The following CYP20A1 variants were observed in gnomAD, a reference collection of about 807,000 sequenced individuals.
CYP20A1 encodes cytochrome P450 20A1.
Under a neutral mutation model 61.4 loss-of-function variants are expected in CYP20A1, and 61 were observed. That is an observed-to-expected ratio of 0.99 (90% CI 0.81 to 1.23). The LOEUF (loss-of-function observed/expected upper bound fraction) is 1.23, where lower values mean the gene tolerates loss of function less well. CYP20A1 is among the 50% of genes most tolerant of loss of function. The pLI is 0.00. For synonymous variants in CYP20A1, 193 were observed against 188.2 expected (o/e 1.03, Z -0.21); for missense variants, 530 against 542.4 (o/e 0.98, Z 0.23).
At position 203,296,514 on chromosome 2, in the gene CYP20A1, A is replaced by G. The variant is rs759301173; in HGVS notation, c.1189A>G (p.Thr397Ala). The G allele has an allele frequency of 6.2e-7, 1 of 1,612,928 alleles. No individual in the cohort carries two copies. Among genetic ancestry groups the G allele is most frequent in the South Asian group, 1.1e-5 (1 of 90,850 alleles). ...GTTTGATGATGAATTAGTAATGAAA[A>G]CTTTTTCCTCACTTGGATTCTCAGG... ...DRFDDELVMK[T>A]FSSLGFSGTQ... The change falls in exon 12 of 13, where the codon ACT (threonine) becomes GCT (alanine). Residue 397 changes from threonine (T) to alanine (A), a missense_variant. By Grantham distance (58) the Thr-to-Ala change is moderately conservative. Coordinates refer to ENST00000356079, the MANE Select transcript of CYP20A1 (RefSeq NM_177538.3).
rs1340776293 is a variant in CYP20A1, at chr2:203,301,983, T to C, written c.*5075T>C. Among the ~76,000 whole-genome samples the C allele has an allele frequency of 7.0e-6, 1 of 143,248 alleles. No homozygotes were observed. Among genetic ancestry groups the C allele is most frequent in the Non-Finnish European group, 1.5e-5 (1 of 66,398 alleles). 94.0% of individuals were successfully genotyped at this position (143,248 alleles called of 152,430 possible). On this transcript the variant is annotated 3_prime_UTR_variant, in exon 13 of 13. Coordinates refer to ENST00000356079, the MANE Select transcript of CYP20A1 (RefSeq NM_177538.3). ...GTCTATTGCCCAGGCTGGAGTGCCA[T>C]GGCACCATCTCGGCTCACTGCAACC...
rs933021204 is a variant in CYP20A1, at chr2:203,303,057, G to C, written c.*6149G>C. 1.3e-5 allele frequency among the ~76,000 whole-genome samples: 2 copies of C among 151,616 alleles called. No individual in the cohort carries two copies. The highest frequency in any genetic ancestry group is 2.9e-5 in the Non-Finnish European group (2 of 67,922). Reference sequence around the variant, plus strand: ...GCTGTGTCACCCAGGCTGGAGTGTGGTGGCACGATCTTGGCTCACTGCAAC... The same window carrying C: ...GCTGTGTCACCCAGGCTGGAGTGTGCTGGCACGATCTTGGCTCACTGCAAC... On this transcript the variant is annotated 3_prime_UTR_variant, in exon 13 of 13. Transcript: ENST00000356079.
chr2:203,254,829 A>T (rs1208392100), intron 4 of CYP20A1, among the ~76,000 whole-genome samples: 1 of 151,994 alleles, frequency 6.6e-6, no homozygotes, highest in Non-Finnish European at 1.5e-5. Flanking sequence ...TCTCTACTAA[A>T]AATACAGAAA....
chr2:203,284,349 T>G (rs1575253649), intron 8 of CYP20A1, among the ~76,000 whole-genome samples: 1 of 152,194 alleles, frequency 6.6e-6, no homozygotes, highest in Non-Finnish European at 1.5e-5. Flanking sequence ...AAACATATTC[T>G]AGGGAAAGAG....
At chr2:203,284,456 C>T (rs916647140) in intron 8 of CYP20A1, among the ~76,000 whole-genome samples, 12 of 151,960 alleles carry the variant, frequency 7.9e-5, no homozygotes, top group African/African-American at 2.9e-4. Context: ...CTGTTTTTTT[C>T]TCAACATGTA....
chr2:203,271,204 C>T (rs1173056128), intron 5 of CYP20A1, among the ~76,000 whole-genome samples: 1 of 148,434 alleles, frequency 6.7e-6, no homozygotes, highest in East Asian at 2.0e-4. Context: ...TCTTCTGCCT[C>T]AGCCTCCCAA....
intron 4 of CYP20A1, among the ~76,000 whole-genome samples, chr2:203,254,288 T>G (rs1276267862): frequency 1.3e-5 from 2 of 152,070 alleles, no homozygotes; most frequent in African/African-American, 4.8e-5. Context: ...TTACTTAGAG[T>G]GAATGAATGC....
At chr2:203,266,463 A>C in intron 4 of CYP20A1, 51 bp from the exon 5 acceptor site, 1 of 1,518,874 alleles carries the variant, frequency 6.6e-7, no homozygotes, top group Non-Finnish European at 9.1e-7. Context: ...ACATTTTCTG[A>C]GATTTAGAAA....
intron 9 of CYP20A1, among the ~76,000 whole-genome samples, chr2:203,289,344 T>C (rs2068434648): frequency 6.6e-6 from 1 of 152,186 alleles, no homozygotes; most frequent in Non-Finnish European, 1.5e-5. Context: ...ATATTTTTCC[T>C]AGTTATCTTT....
Position 203,298,543 on chromosome 2 carries a change from A to AT in CYP20A1, c.*1635_*1636insT, listed in dbSNP as rs2068899132. Among the ~76,000 whole-genome samples the AT allele has an allele frequency of 6.7e-6, 1 of 149,738 alleles. No individual in the cohort carries two copies. The highest frequency in any genetic ancestry group is 2.5e-5 in the African/African-American group (1 of 40,742). ...TCTCTACTAAAAATACAAAAAAAAA[A>AT]AAAAAAAATTAGCCAGATGTGGTGG... On this transcript the variant is annotated 3_prime_UTR_variant, in exon 13 of 13. Coordinates refer to ENST00000356079, the MANE Select transcript of CYP20A1 (RefSeq NM_177538.3).
At chr2:203,263,136 C>T in intron 4 of CYP20A1, among the ~76,000 whole-genome samples, 1 of 151,602 alleles carries the variant, frequency 6.6e-6, no homozygotes, top group Non-Finnish European at 1.5e-5. Flanking sequence ...TTACAGGCTC[C>T]TGCCACTATG....
chr2:203,278,736 C>G (rs2067924600), intron 7 of CYP20A1, 48 bp downstream of exon 7: 1 of 1,011,804 alleles, frequency 9.9e-7, no homozygotes, highest in Non-Finnish European at 1.5e-6. Flanking sequence ...AAGCCAGAGC[C>G]AGGCACAATG....
intron 4 of CYP20A1, among the ~76,000 whole-genome samples, chr2:203,259,118 T>C (rs1288799360): frequency 6.6e-6 from 1 of 152,212 alleles, no homozygotes; most frequent in Non-Finnish European, 1.5e-5. Context: ...GTCTTTTCTG[T>C]TGTTCCATAT....
Position 203,296,474 on chromosome 2 carries a change from G to A in CYP20A1, c.1149G>A (p.Lys383=), listed in dbSNP as rs746151057. 5 of 1,607,906 alleles carry A rather than the reference G, an allele frequency of 3.1e-6. No individual in the cohort carries two copies. The South Asian group carries it at 5.5e-5, about 18-fold the overall frequency. The stretch of plus-strand genomic sequence containing the variant: ...GATTAACCTCAAATTTTCTTTGTAG[G>A]TTTGATCCAGATCGGTTTGATGATG... ...QDPNTWPSPH[K]FDPDRFDDEL... Residue 383 remains lysine (K), a splice_region_variant and synonymous_variant, in exon 12 of 13, where the codon AAG becomes AAA. Coordinates refer to ENST00000356079, the MANE Select transcript of CYP20A1 (RefSeq NM_177538.3).
intron 6 of CYP20A1, among the ~76,000 whole-genome samples, chr2:203,275,479 G>A (rs1403057370): frequency 6.6e-6 from 1 of 151,242 alleles, no homozygotes; most frequent in Admixed American, 6.6e-5. Flanking sequence ...CTATTGCCCA[G>A]GCTGGGTGAG....
Position 203,299,009 on chromosome 2 carries a change from T to C in CYP20A1, c.*2101T>C, listed in dbSNP as rs548572102. Among the ~76,000 whole-genome samples the C allele has an allele frequency of 2.6e-3, 391 of 152,188 alleles. 3 individuals carry two copies. The highest frequency in any genetic ancestry group is 8.1e-3 in the African/African-American group (338 of 41,550). On this transcript the variant is annotated 3_prime_UTR_variant, in exon 13 of 13. Transcript: ENST00000356079. The stretch of plus-strand genomic sequence containing the variant: ...GATGTTGTGCTAGTGCACTCCAGCC[T>C]GGGCGACAGGGCTGAGACCTTGTCT...
At chr2:203,280,188 T>C in intron 8 of CYP20A1, 75 bp downstream of exon 8, 3 of 1,187,332 alleles carry the variant, frequency 2.5e-6, no homozygotes, top group Non-Finnish European at 3.5e-6. Flanking sequence ...ACACCTGTAA[T>C]CCCAACACTT....
Position 203,246,917 on chromosome 2 carries a change from G to A in CYP20A1, c.285G>A (p.Lys95=), listed in dbSNP as rs1398148184. 6.2e-7 allele frequency: 1 copy of A among 1,609,898 alleles called. No homozygotes were observed. Among genetic ancestry groups the A allele is most frequent in the Non-Finnish European group, 8.5e-7 (1 of 1,179,052 alleles). Residue 95 remains lysine (K), a synonymous_variant, in exon 3 of 13, where the codon AAG becomes AAA. Transcript: ENST00000356079. ...TGAAGCAGCATATCAATCCCAATAAGACATGTAAGTTTAATTTTCTTTCTA... is the reference window on the plus strand; with the variant it reads ...TGAAGCAGCATATCAATCCCAATAAAACATGTAAGTTTAATTTTCTTTCTA... The part of the protein sequence containing the change: ...DVLKQHINPN[K]TSDPFETMLK...
rs1259679628 is a variant in CYP20A1 at position 203,299,226 on chromosome 2, AAAGG to A, written c.*2322_*2325del. Among the ~76,000 whole-genome samples, 1 of 152,168 alleles carries A rather than the reference AAAGG, an allele frequency of 6.6e-6. No individual in the cohort carries two copies. Among genetic ancestry groups the A allele is most frequent in the Admixed American group, 6.6e-5 (1 of 15,254 alleles). On this transcript the variant is annotated 3_prime_UTR_variant, in exon 13 of 13. Coordinates refer to ENST00000356079, the MANE Select transcript of CYP20A1 (RefSeq NM_177538.3). ...TGCCAAGTACAGATAGTGAGGAAAG[AAAGG>A]AAGAAAAATGATAATTGTCTGCAAG...
Sources: gnomAD v4.1 joint callset for allele counts (sites outside exome capture counted in the v4.1 genomes callset) on GRCh38, gnomAD v4.1.1 for gene constraint, MANE v1.5 for transcripts, NCBI Gene and HGNC (gene_info 2026-07-23, HGNC 2026-07-21) for gene names.